The following PCSK5 variants were observed in gnomAD, a reference collection of about 807,000 sequenced individuals.
The protein encoded by PCSK5 is prohormone convertase 5.
Under a neutral mutation model 233.2 loss-of-function variants are expected in PCSK5, and 129 were observed. That is an observed-to-expected ratio of 0.55 (90% CI 0.48 to 0.64). PCSK5 has a LOEUF of 0.64. PCSK5 is among the 30% of genes least tolerant of loss of function. PCSK5 has a pLI of 0.00. For synonymous variants in PCSK5, 825 were observed against 879.2 expected (o/e 0.94, Z 1.09); for missense variants, 2,076 against 2,430.1 (o/e 0.85, Z 3.06).
rs368016276 is a variant in PCSK5 at position 76,358,642 on chromosome 9, G to A, written c.5384G>A (p.Arg1795His). 1.5e-5 allele frequency: 24 copies of A among 1,612,642 alleles called. No homozygotes were observed. The highest frequency in any genetic ancestry group is 4.0e-5 in the African/African-American group (3 of 74,874). ...GAAVVVWKKSRGRVQPAAKAG... is the reference protein window; with the variant it reads ...GAAVVVWKKSHGRVQPAAKAG... Reference sequence around the variant, plus strand: ...GCTGTGGTAGTGTGGAAGAAATCTCGTGGCCGAGTCCAGCCAGCAGCAAAG... The same window carrying A: ...GCTGTGGTAGTGTGGAAGAAATCTCATGGCCGAGTCCAGCCAGCAGCAAAG... Residue 1795 changes from arginine (R) to histidine (H), a missense_variant, in exon 38 of 38, where the codon CGT becomes CAT. Transcript: ENST00000674117.
chr9:76,063,348 T>TTTTTTTTTA (rs1564004101), intron 5 of PCSK5, among the ~76,000 whole-genome samples: 4 of 90,714 alleles, frequency 4.4e-5, no homozygotes, highest in South Asian at 4.1e-4. Context: ...TTTTTTTTTT[T>TTTTTTTTTA]ATTGATAATT....
chr9:76,225,706 C>T (rs959113757), intron 20 of PCSK5, among the ~76,000 whole-genome samples: 1 of 152,206 alleles, frequency 6.6e-6, no homozygotes, highest in Non-Finnish European at 1.5e-5. Flanking sequence ...GACACAGTCT[C>T]AGCTTGAAAT....
intron 20 of PCSK5, among the ~76,000 whole-genome samples, chr9:76,221,926 T>C (rs1243703589): frequency 6.6e-6 from 1 of 152,114 alleles, no homozygotes; most frequent in African/African-American, 2.4e-5. Context: ...ATAAGTCTTG[T>C]CAATCAAAAA....
In PCSK5 at chr9:76,117,303, A is replaced by C. The variant is rs571345914; in HGVS notation, c.1208+9952A>C. The stretch of plus-strand genomic sequence containing the variant: ...CTCCAATAGAGCCTACATTTCAGTC[A>C]AGGGAGGCAGAGATTAAAGATAATT... On this transcript the variant is annotated intron_variant, in intron 9 of 37. Coordinates refer to ENST00000674117, the MANE Select transcript of PCSK5 (RefSeq NM_001372043.1). Among the ~76,000 whole-genome samples, 56 of 152,230 alleles carry C rather than the reference A, an allele frequency of 3.7e-4. No individual in the cohort carries two copies. The South Asian group carries it at 4.6e-3, about 12-fold the overall frequency.
intron 9 of PCSK5, among the ~76,000 whole-genome samples, chr9:76,114,183 A>G (rs768992487): frequency 6.6e-6 from 1 of 152,044 alleles, no homozygotes; most frequent in Non-Finnish European, 1.5e-5. Context: ...AAAAGAAAAC[A>G]AGGGAGGAGA....
In PCSK5 at chr9:76,279,167, G is replaced by T. The variant is rs1387079726; in HGVS notation, c.3143-13066G>T. Among the ~76,000 whole-genome samples the T allele has an allele frequency of 2.7e-5, 4 of 147,342 alleles. No homozygotes were observed. In the East Asian group the frequency reaches 6.0e-4, roughly 22 times the overall value. ...TATGAGTGAGAATATGCGGTGTTTG[G>T]TTTTTTGTTCTTGCGATAGTTTACT... On this transcript the variant is annotated intron_variant, in intron 24 of 37. Coordinates refer to ENST00000674117, the MANE Select transcript of PCSK5 (RefSeq NM_001372043.1).
intron 8 of PCSK5, among the ~76,000 whole-genome samples, chr9:76,097,979 C>G (rs751811667): frequency 3.9e-5 from 6 of 152,204 alleles, no homozygotes; most frequent in Non-Finnish European, 7.3e-5. Flanking sequence ...TCTAACAGAT[C>G]TACGCAGGTT....
At chr9:75,928,227 T>C (rs1823588160) in intron 1 of PCSK5, among the ~76,000 whole-genome samples, 1 of 152,264 alleles carries the variant, frequency 6.6e-6, no homozygotes, top group Non-Finnish European at 1.5e-5. Flanking sequence ...CTATTTGCTA[T>C]CGATTTTATA....
At chr9:75,976,317 CACACA>C (rs1826018352) in intron 2 of PCSK5, among the ~76,000 whole-genome samples, 1 of 144,724 alleles carries the variant, frequency 6.9e-6, no homozygotes, top group Non-Finnish European at 1.5e-5. Flanking sequence ...CACACACACA[CACACA>C]CCTTTTTCTC....
chr9:76,253,420 G>A (rs1271159770), intron 24 of PCSK5, among the ~76,000 whole-genome samples: 1 of 152,034 alleles, frequency 6.6e-6, no homozygotes, highest in Non-Finnish European at 1.5e-5. Flanking sequence ...GAGCCTCCCT[G>A]CCCCCTCATT....
At chr9:76,156,924 C>T (rs1456166312) in intron 10 of PCSK5, 121 bp from the exon 11 acceptor site, 1 of 697,400 alleles carries the variant, frequency 1.4e-6, no homozygotes, top group Non-Finnish European at 2.6e-6. Flanking sequence ...ATTTATTTCT[C>T]AAATCATTGC....
chr9:76,009,980 G>A (rs2131451226), intron 3 of PCSK5, among the ~76,000 whole-genome samples: 1 of 151,784 alleles, frequency 6.6e-6, no homozygotes, highest in South Asian at 2.1e-4. Context: ...CACCAGGCCT[G>A]AAGAAAGAGG....
chr9:75,894,078 C>A (rs929590838), intron 1 of PCSK5, among the ~76,000 whole-genome samples: 3 of 152,160 alleles, frequency 2.0e-5, no homozygotes, highest in Non-Finnish European at 4.4e-5. Flanking sequence ...TTTGCAGATG[C>A]GTCTGGAATG....
intron 9 of PCSK5, among the ~76,000 whole-genome samples, chr9:76,108,372 G>A (rs946318101): frequency 2.0e-5 from 3 of 152,176 alleles, no homozygotes; most frequent in African/African-American, 7.2e-5. Context: ...GAAGGGAAAG[G>A]CCCATTCATC....
chr9:75,995,332 A>G (rs1826966553), intron 3 of PCSK5, among the ~76,000 whole-genome samples: 3 of 152,218 alleles, frequency 2.0e-5, no homozygotes, highest in Middle Eastern at 3.2e-3. Flanking sequence ...TGATATATAT[A>G]TAATAGGCCT....
intron 24 of PCSK5, among the ~76,000 whole-genome samples, chr9:76,265,603 T>C (rs112976135): frequency 2.2e-4 from 33 of 152,276 alleles, no homozygotes; most frequent in African/African-American, 7.7e-4. Flanking sequence ...TAGATAAATG[T>C]ATTTATTAAT....
intron 30 of PCSK5, among the ~76,000 whole-genome samples, chr9:76,315,928 G>GTTTTTT (rs71499141): frequency 5.6e-4 from 51 of 91,794 alleles, no homozygotes; most frequent in Non-Finnish European, 6.4e-4. Context: ...CACTTCAAGG[G>GTTTTTT]TTTTTTTTTT....
intron 1 of PCSK5, among the ~76,000 whole-genome samples, chr9:75,911,256 T>G (rs1822724258): frequency 8.3e-6 from 1 of 120,068 alleles, no homozygotes; most frequent in South Asian, 2.8e-4. Flanking sequence ...ATTGCCAAAG[T>G]AGTTAAAATC....
intron 5 of PCSK5, 34 bp from the exon 6 acceptor site, chr9:76,067,921 C>T (rs770853542): frequency 6.4e-7 from 1 of 1,555,050 alleles, no homozygotes; most frequent in Non-Finnish European, 8.9e-7. Flanking sequence ...AATGGTGTGT[C>T]TTACTTGAGA....
Sources: gnomAD v4.1 joint callset for allele counts (sites outside exome capture counted in the v4.1 genomes callset) on GRCh38, gnomAD v4.1.1 for gene constraint, MANE v1.5 for transcripts, NCBI Gene and HGNC (gene_info 2026-07-23, HGNC 2026-07-21) for gene names.